The following SLCO1B3 variants were observed in gnomAD, a reference collection of about 807,000 sequenced individuals.
The protein encoded by SLCO1B3 is solute carrier organic anion transporter family member 1B3, also known as liver-specific organic anion transporter 2.
SLCO1B3 carries 72 observed loss-of-function variants against 71.8 expected under a neutral mutation model. The ratio of observed to expected loss-of-function variants is 1.00; its 90% CI spans 0.83 to 1.22. The LOEUF (loss-of-function observed/expected upper bound fraction) is 1.22, where lower values mean the gene tolerates loss of function less well. Ranked by LOEUF, SLCO1B3 falls within the 50% of genes most tolerant of loss-of-function variation. The pLI, the probability that SLCO1B3 is intolerant of heterozygous loss-of-function variation, is 0.00. For missense variants in SLCO1B3, 911 were observed against 819.7 expected (o/e 1.11, Z -1.36); for synonymous variants, 298 against 278.4 (o/e 1.07, Z -0.70).
chr12:20,814,144 ATG>A (rs1171247595), intron 2 of SLCO1B3, among the ~76,000 whole-genome samples: 9 of 152,148 alleles, frequency 5.9e-5, no homozygotes, highest in South Asian at 4.1e-4. Context: ...ATACATAAAT[ATG>A]TGTTATGCAT....
intron 3 of SLCO1B3, among the ~76,000 whole-genome samples, chr12:20,827,866 G>A (rs7977213): frequency 2.0e-5 from 3 of 152,048 alleles, no homozygotes; most frequent in South Asian, 2.1e-4. Flanking sequence ...CGGTGCACAA[G>A]CTCCAATTTC....
At position 20,864,941 on chromosome 12, in the gene SLCO1B3, T is replaced by C. The variant is rs2417940; in HGVS notation, c.727+2087T>C. 0.76 allele frequency among the ~76,000 whole-genome samples: 115,443 copies of C among 151,900 alleles called. 45,369 individuals carry two copies. The highest frequency in any genetic ancestry group is 0.92 in the South Asian group (4,423 of 4,814). Reference sequence around the variant, plus strand: ...GGTGCACTACTCTCCCCATACACACTAAAACTCATGTGCTCCCCAGCTCTG... The same window carrying C: ...GGTGCACTACTCTCCCCATACACACCAAAACTCATGTGCTCCCCAGCTCTG... On this transcript the variant is annotated intron_variant, in intron 8 of 15. Transcript: ENST00000381545.
intron 15 of SLCO1B3, among the ~76,000 whole-genome samples, chr12:20,906,144 G>C (rs1040346270): frequency 4.6e-5 from 7 of 152,098 alleles, no homozygotes; most frequent in African/African-American, 1.7e-4. Flanking sequence ...GGCAGGGACA[G>C]AAATCCAAAC....
At chr12:20,816,018 C>G (rs1477912934) in intron 3 of SLCO1B3, among the ~76,000 whole-genome samples, 196 bp downstream of exon 3, 1 of 151,950 alleles carries the variant, frequency 6.6e-6, no homozygotes, top group Non-Finnish European at 1.5e-5. Context: ...TATTTCTTTG[C>G]TAGAATTTTT....
chr12:20,833,957 CTG>C (rs1205902079), intron 3 of SLCO1B3, among the ~76,000 whole-genome samples: 1 of 142,188 alleles, frequency 7.0e-6, no homozygotes, highest in Non-Finnish European at 1.5e-5. Flanking sequence ...CATATATAAG[CTG>C]TATATGTATA....
chr12:20,854,578 G>T (rs573477422), intron 3 of SLCO1B3, among the ~76,000 whole-genome samples: 1 of 152,266 alleles, frequency 6.6e-6, no homozygotes, highest in South Asian at 2.1e-4. Context: ...AGTCACTTGT[G>T]TTGGTCATAA....
intron 8 of SLCO1B3, among the ~76,000 whole-genome samples, chr12:20,863,279 C>T (rs1441068480): frequency 6.6e-6 from 1 of 152,112 alleles, no homozygotes; most frequent in African/African-American, 2.4e-5. Context: ...AGAGAGGCCA[C>T]AGTGCACTTT....
intron 2 of SLCO1B3, among the ~76,000 whole-genome samples, chr12:20,814,976 CTTTTCTTT>C (rs1565574750): frequency 3.4e-5 from 4 of 117,102 alleles, no homozygotes; most frequent in East Asian, 2.5e-4. Context: ...CTTTTCTTTT[CTTTTCTTT>C]TTTTTTTTTT....
chr12:20,904,335 G>C (rs1286323030), intron 15 of SLCO1B3, among the ~76,000 whole-genome samples: 1 of 152,042 alleles, frequency 6.6e-6, no homozygotes, highest in Non-Finnish European at 1.5e-5. Flanking sequence ...CCAAAACAAA[G>C]GGGTTACAAG....
chr12:20,893,824 T>C (rs1865950547), intron 13 of SLCO1B3, among the ~76,000 whole-genome samples: 1 of 152,152 alleles, frequency 6.6e-6, no homozygotes, highest in East Asian at 1.9e-4. Context: ...ATCTTGACAT[T>C]CTGCTGGTGA....
chr12:20,840,007 GTTCT>G (rs1264237833), intron 3 of SLCO1B3, among the ~76,000 whole-genome samples: 1 of 152,014 alleles, frequency 6.6e-6, no homozygotes, highest in Non-Finnish European at 1.5e-5. Context: ...TTTGTTTTTG[GTTCT>G]TTCTTAGAAT....
At chr12:20,895,066 C>T (rs1295519619) in intron 13 of SLCO1B3, among the ~76,000 whole-genome samples, 1 of 152,120 alleles carries the variant, frequency 6.6e-6, no homozygotes, top group African/African-American at 2.4e-5. Flanking sequence ...CATGGAACAG[C>T]ATGGGAAAGA....
intron 15 of SLCO1B3, chr12:20,902,334 T>C (rs1273557294): frequency 6.5e-6 from 1 of 152,700 alleles, no homozygotes; most frequent in Non-Finnish European, 1.5e-5. Context: ...GTATCTGTTA[T>C]TTTTTGACCC....
At chr12:20,850,259 T>C (rs1257355908) in intron 3 of SLCO1B3, among the ~76,000 whole-genome samples, 1 of 119,302 alleles carries the variant, frequency 8.4e-6, no homozygotes, top group Non-Finnish European at 1.6e-5. Flanking sequence ...ATTATTATTT[T>C]ATTTATTTAT....
chr12:20,894,751 C>T (rs902839585), intron 13 of SLCO1B3, among the ~76,000 whole-genome samples: 4 of 152,156 alleles, frequency 2.6e-5, no homozygotes, highest in African/African-American at 4.8e-5. Flanking sequence ...TTAAACTCCC[C>T]TTTCTACTGA....
intron 3 of SLCO1B3, among the ~76,000 whole-genome samples, chr12:20,830,775 A>G (rs1864523397): frequency 1.3e-5 from 2 of 152,312 alleles, no homozygotes; most frequent in African/African-American, 4.8e-5. Flanking sequence ...GGTAAAGTCT[A>G]TTGTGATGAA....
At chr12:20,860,599 T>TGTG (rs1555156228) in intron 5 of SLCO1B3, among the ~76,000 whole-genome samples, 16,464 of 146,630 alleles carry the variant, frequency 0.11, 1,172 homozygotes, top group Middle Eastern at 0.26. Flanking sequence ...GTCAAGCACT[T>TGTG]TGTGTGTGTG....
intron 3 of SLCO1B3, among the ~76,000 whole-genome samples, chr12:20,831,133 C>A (rs1251189412): frequency 6.6e-6 from 1 of 151,968 alleles, no homozygotes; most frequent in African/African-American, 2.4e-5. Context: ...CCGAGGCTGG[C>A]AGATCACGAG....
chr12:20,862,977 A>G, intron 8 of SLCO1B3, 123 bp downstream of exon 8: 1 of 504,012 alleles, frequency 2.0e-6, no homozygotes, highest in Non-Finnish European at 3.5e-6. Context: ...AGTTACAAGT[A>G]GGAAATAAAT....
Sources: allele counts gnomAD v4.1 joint callset (sites outside exome capture counted in the v4.1 genomes callset), GRCh38; gene constraint gnomAD v4.1.1; transcripts MANE v1.5; gene names NCBI Gene and HGNC (gene_info 2026-07-23, HGNC 2026-07-21).